CUL5: variants seen among roughly 807,000 people sequenced by gnomAD.
CUL5 encodes cullin-5.
A neutral mutation model predicts 108.8 loss-of-function variants in CUL5; 26 were observed. The ratio of observed to expected loss-of-function variants is 0.24; its 90% CI spans 0.18 to 0.33. The LOEUF (loss-of-function observed/expected upper bound fraction) is 0.33. Ranked by LOEUF, CUL5 falls within the 10% of genes least tolerant of loss-of-function variation. The pLI is 1.00. For missense variants in CUL5, 524 were observed against 909.2 expected (o/e 0.58, Z 5.45); for synonymous variants, 334 against 298.0 (o/e 1.12, Z -1.25).
rs778432134 is a variant in CUL5, at chr11:108,094,938, A to G, written c.1694A>G (p.Asn565Ser). The change falls in exon 15 of 19, where the codon AAT becomes AGT. Residue 565 changes from asparagine (N) to serine (S), a missense_variant. Asn to Ser is a conservative substitution (Grantham distance 46). Coordinates refer to ENST00000393094, the MANE Select transcript of CUL5 (RefSeq NM_003478.6). ...GAAGTAGAAGAATTCTACAAAAAAA[A>G]TCATAGTGGTAGAAAATTACATTGG... is the stretch of plus-strand genomic sequence containing the variant. The part of the protein sequence containing the change: ...IPEVEEFYKK[N>S]HSGRKLHWHH... 1 of 1,613,486 alleles carries G rather than the reference A, an allele frequency of 6.2e-7. No individual in the cohort carries two copies.
At position 108,078,232 on chromosome 11, in the gene CUL5, G is replaced by A. The variant is rs769169523; in HGVS notation, c.1170G>A (p.Lys390=). 6.4e-7 allele frequency: 1 copy of A among 1,568,974 alleles called. No individual in the cohort carries two copies. Residue 390 remains lysine (K), a synonymous_variant, in exon 11 of 19, where the codon AAG becomes AAA. Transcript: ENST00000393094. ...ATIFKLELPL[K]QKGVGLKTQP... is the part of the protein sequence containing the mutation. ...TATTTAAACTTGAATTACCTTTGAAGCAGAAGGGGTAAGTTTTTTAAAACC... is the reference window on the plus strand; with the variant it reads ...TATTTAAACTTGAATTACCTTTGAAACAGAAGGGGTAAGTTTTTTAAAACC...
At chr11:108,084,964 A>C (rs1864184465) in intron 11 of CUL5, 1 of 152,274 alleles carries the variant, frequency 6.6e-6, no homozygotes, top group Non-Finnish European at 1.5e-5. Context: ...AACCATTTAC[A>C]GATGTAGTTG....
intron 10 of CUL5, among the ~76,000 whole-genome samples, chr11:108,074,406 G>T (rs1046085319): frequency 6.6e-6 from 1 of 151,584 alleles, no homozygotes; most frequent in Non-Finnish European, 1.5e-5. Flanking sequence ...TGTTGGCCAG[G>T]CTGGTCTCGA....
chr11:108,101,544 G>C (rs940935290), intron 18 of CUL5, among the ~76,000 whole-genome samples: 1 of 152,192 alleles, frequency 6.6e-6, no homozygotes, highest in African/African-American at 2.4e-5. Flanking sequence ...TGGCCTACAT[G>C]GCACACTGTC....
At chr11:108,021,315 A>G (rs1862322066) in intron 1 of CUL5, among the ~76,000 whole-genome samples, 1 of 152,332 alleles carries the variant, frequency 6.6e-6, no homozygotes, top group African/African-American at 2.4e-5. Flanking sequence ...ATGGGCGTGT[A>G]AAAGTAAGGT....
At position 108,104,365 on chromosome 11, in the gene CUL5, C is replaced by A; in HGVS notation, c.2324C>A (p.Thr775Asn). 1 of 1,558,548 alleles carries A rather than the reference C, an allele frequency of 6.4e-7. No individual in the cohort carries two copies. Among genetic ancestry groups the A allele is most frequent in the South Asian group, 1.2e-5 (1 of 80,586 alleles). Residue 775 changes from threonine to asparagine, a missense_variant, in exon 19 of 19, where the codon ACT (threonine) becomes AAT (asparagine). Physicochemically the swap from Thr to Asn is moderately conservative, Grantham distance 65. Around this residue, in one of 8 missense-constraint regions of CUL5, gnomAD observed 22 missense variants for 70.5 expected, o/e 0.31. Transcript: ENST00000393094. The part of the protein sequence containing the change: ...YIRRDESDIN[T>N]FIYMA ...AGAAGAGATGAATCTGATATCAACA[C>A]TTTCATATATATGGCATAATTTTGA...
intron 13 of CUL5, 38 bp downstream of exon 13, chr11:108,089,661 A>C (rs1864303351): frequency 8.6e-7 from 1 of 1,156,828 alleles, no homozygotes; most frequent in Non-Finnish European, 1.2e-6. Context: ...TTTCTAATAC[A>C]TTACATCATT....
chr11:108,065,942 G>A (rs1055521410), intron 7 of CUL5, among the ~76,000 whole-genome samples: 4 of 151,984 alleles, frequency 2.6e-5, no homozygotes, highest in Non-Finnish European at 5.9e-5. Flanking sequence ...GTCCAGCCTG[G>A]TCTGCATATT....
In CUL5 at chr11:108,046,377, C is replaced by T. The variant is rs756115807; in HGVS notation, c.234+8C>T. On this transcript the variant is annotated splice_region_variant and intron_variant, in intron 3 of 18. Coordinates refer to ENST00000393094, the MANE Select transcript of CUL5 (RefSeq NM_003478.6). ...ATTAAGCAAGCACAGGCAGTAAGTT[C>T]TACATGCTTATTTTAGACTTGTTTT... 6.7e-7 allele frequency: 1 copy of T among 1,493,078 alleles called. No homozygotes were observed. The highest frequency in any genetic ancestry group is 9.3e-7 in the Non-Finnish European group (1 of 1,076,912). 92.5% of individuals were successfully genotyped at this position (1,493,078 alleles called of 1,614,324 possible).
At chr11:108,033,708 C>T (rs1165832069) in intron 1 of CUL5, 94 bp from the exon 2 acceptor site, 1 of 708,714 alleles carries the variant, frequency 1.4e-6, no homozygotes, top group Non-Finnish European at 2.4e-6. Context: ...AAATTTGAGC[C>T]CTTCATTTCT....
chr11:108,088,738 T>C, intron 12 of CUL5, 79 bp downstream of exon 12: 1 of 1,083,958 alleles, frequency 9.2e-7, no homozygotes, highest in Admixed American at 3.2e-5. Context: ...CTTTCTGTGA[T>C]AGTATCAATT....
At chr11:108,042,312 G>A (rs543652929) in intron 2 of CUL5, among the ~76,000 whole-genome samples, 5 of 141,128 alleles carry the variant, frequency 3.5e-5, no homozygotes, top group South Asian at 4.5e-4. Context: ...CTCCACCCCC[G>A]GGTTCAAGCA....
rs909410485 is a variant in CUL5, at chr11:108,070,113, A to C, written c.798A>C (p.Val266=). Residue 266 remains valine, a synonymous_variant, in exon 8 of 19, where the codon GTA becomes GTC. Transcript: ENST00000393094. ...TATTTCAGCTCATGGAATGCTGTGT[A>C]AATGCCCTGGTGACATCATTTAAAG... The part of the protein sequence containing the change: ...NSVEALMECC[V]NALVTSFKET... 2 of 1,610,136 alleles carry C rather than the reference A, an allele frequency of 1.2e-6. No individual in the cohort carries two copies. Among genetic ancestry groups the C allele is most frequent in the Admixed American group, 1.7e-5 (1 of 59,934 alleles).
Position 108,079,589 on chromosome 11 carries a change from T to G in CUL5, c.1178+1349T>G, listed in dbSNP as rs150833134. 1.9e-3 allele frequency among the ~76,000 whole-genome samples: 288 copies of G among 152,370 alleles called. 11 individuals carry two copies. The South Asian group carries it at 0.036, about 19-fold the overall frequency. ...TCAGCATACAGTCATTTATTGAATT[T>G]AATGTTTATGTTTTTAGGCAAAATT... On this transcript the variant is annotated intron_variant, in intron 11 of 18. Coordinates refer to ENST00000393094, the MANE Select transcript of CUL5 (RefSeq NM_003478.6).
At chr11:108,009,848 C>G (rs149072190) in intron 1 of CUL5, among the ~76,000 whole-genome samples, 190 of 152,228 alleles carry the variant, frequency 1.2e-3, no homozygotes, top group African/African-American at 4.4e-3. Context: ...CGAGTCAGAC[C>G]AGCAGTGCCT....
chr11:108,056,562 A>G (rs1383765280), intron 7 of CUL5, among the ~76,000 whole-genome samples: 1 of 152,162 alleles, frequency 6.6e-6, no homozygotes, highest in Non-Finnish European at 1.5e-5. Flanking sequence ...TATTTATAGA[A>G]GTTCTTTATA....
At chr11:108,095,203 T>C (rs1249358122) in intron 15 of CUL5, among the ~76,000 whole-genome samples, 2 of 152,186 alleles carry the variant, frequency 1.3e-5, no homozygotes, top group African/African-American at 4.8e-5. Context: ...TTCAACATGA[T>C]CCCAACTATC....
At chr11:108,018,678 A>G in intron 1 of CUL5, among the ~76,000 whole-genome samples, 1 of 151,958 alleles carries the variant, frequency 6.6e-6, no homozygotes, top group East Asian at 1.9e-4. Context: ...GTGTCTTAAA[A>G]AAAAAAGAGA....
chr11:108,038,152 A>AT (rs1202103028), intron 2 of CUL5, among the ~76,000 whole-genome samples: 11 of 152,134 alleles, frequency 7.2e-5, no homozygotes, highest in Non-Finnish European at 1.5e-5. Context: ...GTATACATAT[A>AT]TTTTTTGTAA....
Sources: allele counts gnomAD v4.1 joint callset (sites outside exome capture counted in the v4.1 genomes callset), GRCh38; gene constraint gnomAD v4.1.1; regional missense constraint gnomAD v4.1.1; transcripts MANE v1.5; gene names NCBI Gene and HGNC (gene_info 2026-07-23, HGNC 2026-07-21).